TBC1D22B: variants seen among roughly 807,000 people sequenced by gnomAD.
The protein encoded by TBC1D22B is TBC1 domain family member 22B.
Under a neutral mutation model 69.1 loss-of-function variants are expected in TBC1D22B, and 32 were observed. The observed-to-expected ratio is 0.46, with a 90% CI of 0.35 to 0.62. The LOEUF (loss-of-function observed/expected upper bound fraction) is 0.62. Ranked by LOEUF, TBC1D22B falls within the 20% of genes least tolerant of loss-of-function variation. The probability of loss-of-function intolerance (pLI) is 0.00; values close to 1 mark genes in which losing one functional copy is unlikely to be tolerated. For missense variants in TBC1D22B, 462 were observed against 630.9 expected, an observed-to-expected ratio of 0.73 and a Z score of 2.87; for synonymous variants, 206 against 229.8, an observed-to-expected ratio of 0.90 and a Z score of 0.94.
At chr6:37,322,884 A>C (rs1768290442) in intron 12 of TBC1D22B, among the ~76,000 whole-genome samples, 1 of 152,236 alleles carries the variant, frequency 6.6e-6, no homozygotes, top group Non-Finnish European at 1.5e-5. Context: ...CTGCACGTGT[A>C]GACGAGCATG....
At chr6:37,291,588 A>C (rs1040814683) in intron 8 of TBC1D22B, among the ~76,000 whole-genome samples, 16 of 152,234 alleles carry the variant, frequency 1.1e-4, no homozygotes, top group Middle Eastern at 3.2e-3. Flanking sequence ...AAGAATGACC[A>C]CATTGATATG....
intron 12 of TBC1D22B, among the ~76,000 whole-genome samples, chr6:37,326,731 T>G (rs1475567404): frequency 2.0e-5 from 3 of 151,772 alleles, no homozygotes; most frequent in African/African-American, 7.3e-5. Flanking sequence ...GAGGTGGTGG[T>G]GAGCCAAGAT....
At chr6:37,304,417 T>G (rs994019740) in intron 8 of TBC1D22B, among the ~76,000 whole-genome samples, 1 of 152,050 alleles carries the variant, frequency 6.6e-6, no homozygotes, top group Non-Finnish European at 1.5e-5. Context: ...AGAACAGATA[T>G]CCATACCACA....
intron 12 of TBC1D22B, 142 bp downstream of exon 12, chr6:37,317,348 G>A (rs1465857917): frequency 2.2e-5 from 17 of 780,934 alleles, no homozygotes; most frequent in Admixed American, 7.0e-5. Flanking sequence ...TGAAGGGGTC[G>A]TCCCTCTTAG....
intron 2 of TBC1D22B, among the ~76,000 whole-genome samples, chr6:37,270,488 T>G (rs1766450292): frequency 6.6e-6 from 1 of 151,962 alleles, no homozygotes; most frequent in South Asian, 2.1e-4. Flanking sequence ...TAAAAGCTAT[T>G]TAGGAGGCTA....
chr6:37,306,940 C>T (rs190033399), intron 8 of TBC1D22B, among the ~76,000 whole-genome samples: 122 of 152,254 alleles, frequency 8.0e-4, no homozygotes, highest in African/African-American at 2.8e-3. Context: ...GTGGGAATCT[C>T]GAAATAAGTC....
At chr6:37,287,171 A>T (rs111507842) in intron 7 of TBC1D22B, 99 bp downstream of exon 7, 17,402 of 867,568 alleles carry the variant, frequency 0.02, 251 homozygotes, top group South Asian at 0.024. Flanking sequence ...CCTTATGTTC[A>T]TATATGCAGC....
intron 12 of TBC1D22B, among the ~76,000 whole-genome samples, chr6:37,318,771 G>A (rs527551627): frequency 3.5e-4 from 53 of 152,280 alleles, no homozygotes; most frequent in South Asian, 2.1e-3. Flanking sequence ...GGGTAGGCTA[G>A]GAGCTGTTCC....
chr6:37,322,148 G>T (rs1236442298), intron 12 of TBC1D22B, among the ~76,000 whole-genome samples: 3 of 152,222 alleles, frequency 2.0e-5, no homozygotes, highest in Non-Finnish European at 4.4e-5. Context: ...CCAGCAGTGA[G>T]CCTGAAGAGG....
chr6:37,282,661 C>T (rs999914044), intron 4 of TBC1D22B, among the ~76,000 whole-genome samples: 3 of 152,166 alleles, frequency 2.0e-5, no homozygotes, highest in Non-Finnish European at 2.9e-5. Context: ...TTTCCCTTCC[C>T]CTCTAACTTT....
At chr6:37,272,412 A>T (rs1766516967) in intron 2 of TBC1D22B, among the ~76,000 whole-genome samples, 1 of 143,582 alleles carries the variant, frequency 7.0e-6, no homozygotes, top group African/African-American at 2.6e-5. Context: ...CTCAGGCTAG[A>T]GTGCACTGGC....
At chr6:37,289,875 A>G (rs1165556715) in intron 7 of TBC1D22B, among the ~76,000 whole-genome samples, 3 of 152,190 alleles carry the variant, frequency 2.0e-5, no homozygotes, top group Non-Finnish European at 4.4e-5. Flanking sequence ...TGAGGGTGCT[A>G]TGCCTTTTCC....
At chr6:37,277,658 G>A (rs529655521) in intron 2 of TBC1D22B, among the ~76,000 whole-genome samples, 136 of 151,616 alleles carry the variant, frequency 9.0e-4, no homozygotes, top group African/African-American at 3.1e-3. Flanking sequence ...AGTAGAGATG[G>A]GGTTTCACCA....
chr6:37,267,571 A>G (rs1347729704), intron 1 of TBC1D22B, among the ~76,000 whole-genome samples: 1 of 145,132 alleles, frequency 6.9e-6, no homozygotes, highest in East Asian at 2.0e-4. Context: ...ACACACACAC[A>G]TATATATATT....
rs555232345 is a variant in TBC1D22B at position 37,312,212 on chromosome 6, C to A, written c.983-706C>A. Among the ~76,000 whole-genome samples the A allele has an allele frequency of 7.2e-5, 11 of 152,332 alleles. No homozygotes were observed. In the South Asian group the frequency reaches 2.3e-3, roughly 32 times the overall value. The stretch of plus-strand genomic sequence containing the variant: ...CTCAAACCCTTTTGTGTGCTGTGAT[C>A]TTTGCTAATCTCCAAGATGGGGATA... On this transcript the variant is annotated intron_variant, in intron 8 of 12. Transcript: ENST00000373491.
chr6:37,282,306 G>C lies in TBC1D22B; in HGVS notation c.543G>C (p.Arg181=), dbSNP rs1250740555. 6.2e-7 allele frequency: 1 copy of C among 1,613,774 alleles called. No homozygotes were observed. Among genetic ancestry groups the C allele is most frequent in the Admixed American group, 1.7e-5 (1 of 59,984 alleles). Residue 181 remains arginine, a synonymous_variant, in exon 4 of 13, where the codon CGG becomes CGC. Transcript: ENST00000373491. ...CTGGGGCCCCCCCAATGACTGTCCGGGAGAAAACCCGCCTAGAAAAATTCC... is the reference window on the plus strand; with the variant it reads ...CTGGGGCCCCCCCAATGACTGTCCGCGAGAAAACCCGCCTAGAAAAATTCC... ...NASGAPPMTV[R]EKTRLEKFRQ... is the part of the protein sequence containing the mutation.
intron 12 of TBC1D22B, among the ~76,000 whole-genome samples, chr6:37,325,853 A>G (rs990077038): frequency 6.6e-6 from 1 of 152,068 alleles, no homozygotes; most frequent in Non-Finnish European, 1.5e-5. Context: ...AGGGTTTCCC[A>G]TTGTTGCAGC....
chr6:37,270,112 C>A (rs1766437257), intron 2 of TBC1D22B, among the ~76,000 whole-genome samples: 1 of 152,152 alleles, frequency 6.6e-6, no homozygotes, highest in African/African-American at 2.4e-5. Context: ...TTCCTCTTTC[C>A]CTTTGACACA....
rs192101008 is a variant in TBC1D22B at position 37,331,246 on chromosome 6, C to T, written c.*74C>T. The T allele has an allele frequency of 2.9e-3, 4,345 of 1,505,698 alleles. 12 individuals carry two copies. The highest frequency in any genetic ancestry group is 3.6e-3 in the Non-Finnish European group (3,889 of 1,091,126). 93.3% of individuals were successfully genotyped at this position (1,505,698 alleles called of 1,614,324 possible). On this transcript the variant is annotated 3_prime_UTR_variant, in exon 13 of 13. Transcript: ENST00000373491. ...CTGATCACTGTGGCCACTGTGCGAG[C>T]CGTGGACCCCGGCCAGGAACCACTC...
Sources: gnomAD v4.1 joint callset for allele counts (sites outside exome capture counted in the v4.1 genomes callset) on GRCh38, gnomAD v4.1.1 for gene constraint, MANE v1.5 for transcripts, NCBI Gene and HGNC (gene_info 2026-07-23, HGNC 2026-07-21) for gene names.